Variants in DHRSX observed in about 807,000 individuals in gnomAD.
The protein encoded by DHRSX is polyprenol dehydrogenase.
A neutral mutation model predicts 34.0 loss-of-function variants in DHRSX; 31 were observed. The observed-to-expected ratio is 0.91, with a 90% CI of 0.69 to 1.23. The LOEUF is 1.23. Among genes scored for constraint, DHRSX ranks in the 50% most tolerant of loss-of-function variants. DHRSX has a pLI of 0.00. For synonymous variants in DHRSX, 201 were observed against 183.8 expected (o/e 1.09, Z -0.76); for missense variants, 414 against 428.1 (o/e 0.97, Z 0.29).
chrX:2,341,069 C>G (rs1323267298), intron 3 of DHRSX, among the ~76,000 whole-genome samples: 1 of 152,058 alleles, frequency 6.6e-6, no homozygotes, highest in African/African-American at 2.4e-5. Flanking sequence ...CGCTCTCTCT[C>G]CAGTTTGCGA....
intron 3 of DHRSX, among the ~76,000 whole-genome samples, chrX:2,326,845 CTT>C (rs1382856549): frequency 1.4e-5 from 2 of 147,926 alleles, no homozygotes; most frequent in African/African-American, 5.0e-5. Context: ...GATTTTCACT[CTT>C]GTTGCCCAAG....
At chrX:2,436,432 G>A (rs893800237) in intron 1 of DHRSX, among the ~76,000 whole-genome samples, 2 of 148,852 alleles carry the variant, frequency 1.3e-5, no homozygotes, top group Admixed American at 1.4e-4. Flanking sequence ...AAAGTTAATG[G>A]CAAAAGCAGC....
chrX:2,464,712 G>C lies in DHRSX; in HGVS notation c.109+36105C>G, dbSNP rs1003843256. Among the ~76,000 whole-genome samples, 3 of 151,080 alleles carry C rather than the reference G, an allele frequency of 2.0e-5. No individual in the cohort carries two copies. In the South Asian group the frequency reaches 6.3e-4, roughly 32 times the overall value. On this transcript the variant is annotated intron_variant, in intron 1 of 6. Transcript: ENST00000334651. ...GCAGCCAAGGGAGGGCACTGAAGAC[G>C]TTCCCTAGGCATGTGGCCAAGGGAC...
Position 2,259,295 on chromosome X carries a change from T to TATATAG in DHRSX, c.596+7439_596+7444dup, listed in dbSNP as rs762397494. On this transcript the variant is annotated intron_variant, in intron 5 of 6. Coordinates refer to ENST00000334651, the MANE Select transcript of DHRSX (RefSeq NM_145177.3). The stretch of plus-strand genomic sequence containing the variant: ...CTCAAAAAAAAAATATATAGATAGA[T>TATATAG]ATATAGATATAGATATAGATATATA... 2.1e-3 allele frequency among the ~76,000 whole-genome samples: 303 copies of TATATAG among 146,844 alleles called. 3 individuals are homozygous for TATATAG. In the East Asian group the frequency reaches 0.03, roughly 14 times the overall value.
chrX:2,273,391 G>A (rs2041583698), intron 4 of DHRSX, among the ~76,000 whole-genome samples: 1 of 152,136 alleles, frequency 6.6e-6, no homozygotes, highest in South Asian at 2.1e-4. Context: ...TCGTGTCATT[G>A]GCAGTAACTT....
chrX:2,234,044 C>A (rs896421129), intron 6 of DHRSX, among the ~76,000 whole-genome samples: 1 of 152,250 alleles, frequency 6.6e-6, no homozygotes, highest in African/African-American at 2.4e-5. Flanking sequence ...TAGCCACTGC[C>A]TGATTCTTCC....
intron 3 of DHRSX, among the ~76,000 whole-genome samples, chrX:2,403,482 G>C (rs1364517872): frequency 1.3e-5 from 2 of 152,156 alleles, no homozygotes; most frequent in African/African-American, 4.8e-5. Flanking sequence ...TATTCGTCAT[G>C]CTACTTGTCC....
intron 3 of DHRSX, among the ~76,000 whole-genome samples, chrX:2,325,546 C>T (rs1185389831): frequency 3.3e-5 from 5 of 152,098 alleles, no homozygotes; most frequent in African/African-American, 7.2e-5. Flanking sequence ...CTACAAAGCC[C>T]ATTTGCATAA....
At chrX:2,489,556 G>A (rs2045065024) in intron 1 of DHRSX, 4 of 1,612,650 alleles carry the variant, frequency 2.5e-6, no homozygotes, top group African/African-American at 1.3e-5. Context: ...CCCACTCGCT[G>A]GCCTCCAGCA....
At chrX:2,418,723 C>T (rs1459025617) in intron 2 of DHRSX, among the ~76,000 whole-genome samples, 4 of 152,172 alleles carry the variant, frequency 2.6e-5, no homozygotes, top group Non-Finnish European at 5.9e-5. Flanking sequence ...TCAGAGAATA[C>T]CTATTGCTCT....
chrX:2,228,505 G>A (rs1467463155), intron 6 of DHRSX, among the ~76,000 whole-genome samples: 3 of 126,856 alleles, frequency 2.4e-5, no homozygotes, highest in Non-Finnish European at 4.9e-5. Flanking sequence ...AGGAAGGAAG[G>A]AAAAAAGGGA....
In DHRSX at chrX:2,336,603, T is replaced by TG. The variant is rs936068354; in HGVS notation, c.287-45001dup. Among the ~76,000 whole-genome samples, 15 of 143,952 alleles carry TG rather than the reference T, an allele frequency of 1.0e-4. 2 individuals carry two copies. In the Admixed American group the frequency reaches 1.1e-3, roughly 10 times the overall value. 94.4% of individuals were successfully genotyped at this position (143,952 alleles called of 152,430 possible). On this transcript the variant is annotated intron_variant, in intron 3 of 6. Coordinates refer to ENST00000334651, the MANE Select transcript of DHRSX (RefSeq NM_145177.3). Reference sequence around the variant, plus strand: ...ATTCACGGTATTTTGTTTTTTGTTTTGTTTTTTTTTTTTGAGACGGAGTTT... The same window carrying TG: ...ATTCACGGTATTTTGTTTTTTGTTTTGGTTTTTTTTTTTTGAGACGGAGTTT...
chrX:2,229,054 G>A (rs1191541884), intron 6 of DHRSX, among the ~76,000 whole-genome samples: 1 of 151,902 alleles, frequency 6.6e-6, no homozygotes, highest in Non-Finnish European at 1.5e-5. Context: ...TGCAAGGCAC[G>A]CAGAGGCTCG....
At chrX:2,401,499 G>A (rs1235437703) in intron 3 of DHRSX, among the ~76,000 whole-genome samples, 1 of 152,182 alleles carries the variant, frequency 6.6e-6, no homozygotes, top group African/African-American at 2.4e-5. Context: ...CTTCCAAAGA[G>A]GATACACAGC....
chrX:2,398,025 T>A (rs2043436249), intron 3 of DHRSX, among the ~76,000 whole-genome samples: 1 of 151,420 alleles, frequency 6.6e-6, no homozygotes, highest in Non-Finnish European at 1.5e-5. Context: ...CTCACACACA[T>A]AGATACATAT....
chrX:2,241,346 T>A (rs1241815910), intron 6 of DHRSX, among the ~76,000 whole-genome samples: 1 of 152,198 alleles, frequency 6.6e-6, no homozygotes, highest in Admixed American at 6.5e-5. Flanking sequence ...TTTGTCCTGC[T>A]GAACTGAAGA....
At chrX:2,268,708 C>A (rs777407172) in intron 4 of DHRSX, among the ~76,000 whole-genome samples, 1 of 152,320 alleles carries the variant, frequency 6.6e-6, no homozygotes, top group East Asian at 1.9e-4. Context: ...ACATTTACAT[C>A]TTTGCATGTG....
At chrX:2,310,636 A>C (rs902908176) in intron 3 of DHRSX, among the ~76,000 whole-genome samples, 19 of 152,054 alleles carry the variant, frequency 1.2e-4, no homozygotes, top group Non-Finnish European at 2.2e-4. Context: ...ACACAGAGAA[A>C]GTTATGGAGA....
intron 1 of DHRSX, chrX:2,488,881 G>C: frequency 2.5e-6 from 4 of 1,611,980 alleles, no homozygotes; most frequent in Non-Finnish European, 3.4e-6. Context: ...CGACGCGCGT[G>C]GCCGTCACGC....
Sources: allele counts gnomAD v4.1 joint callset (sites outside exome capture counted in the v4.1 genomes callset), GRCh38; gene constraint gnomAD v4.1.1; transcripts MANE v1.5; gene names NCBI Gene and HGNC (gene_info 2026-07-23, HGNC 2026-07-21).